PCNT: variants seen among roughly 807,000 people sequenced by gnomAD.
The protein encoded by PCNT is pericentrin.
A neutral mutation model predicts 380.4 loss-of-function variants in PCNT; 319 were observed. That is an observed-to-expected ratio of 0.84 (90% CI 0.77 to 0.92). The LOEUF is 0.92. Among genes scored for constraint, PCNT ranks in the 40% least tolerant of loss-of-function variants. The pLI is 0.00. For synonymous variants in PCNT, 1,845 were observed against 1,735.2 expected (o/e 1.06, Z -1.57); for missense variants, 4,400 against 4,255.3 (o/e 1.03, Z -0.95).
rs1434665917 is a variant in PCNT at position 46,403,414 on chromosome 21, T to C, written c.5115+931T>C. ...GTGTGGTGCCCACGCGGCGCGTGAT[T>C]GGTGAATGAACACAGCGTGGGAGAA... is the stretch of plus-strand genomic sequence containing the variant. On this transcript the variant is annotated intron_variant, in intron 27 of 46. Transcript: ENST00000359568. 3.4e-4 allele frequency among the ~76,000 whole-genome samples: 33 copies of C among 96,464 alleles called. 1 individual carries two copies. Among genetic ancestry groups the C allele is most frequent in the African/African-American group, 1.2e-3 (28 of 23,254 alleles). The allele number at this position is 96,464 out of a possible 152,430, so 63.3% of individuals were successfully genotyped here.
chr21:46,352,320 G>A (rs995412868), intron 9 of PCNT, among the ~76,000 whole-genome samples: 2 of 152,116 alleles, frequency 1.3e-5, no homozygotes, highest in Non-Finnish European at 2.9e-5. Context: ...GCGCCCTGCC[G>A]GGACCAGGTG....
At chr21:46,383,440 C>T (rs1404864352) in intron 16 of PCNT, among the ~76,000 whole-genome samples, 24 of 143,368 alleles carry the variant, frequency 1.7e-4, no homozygotes, top group African/African-American at 3.9e-4. Flanking sequence ...AGCGCATTCA[C>T]GGTGTTGTGC....
chr21:46,328,691 C>A (rs2083464808), intron 2 of PCNT, among the ~76,000 whole-genome samples: 1 of 151,978 alleles, frequency 6.6e-6, no homozygotes, highest in South Asian at 2.1e-4. Flanking sequence ...CAACTCCTGA[C>A]CTCAAGCAAT....
intron 3 of PCNT, among the ~76,000 whole-genome samples, chr21:46,341,320 C>T (rs1052046536): frequency 6.6e-6 from 1 of 151,796 alleles, no homozygotes. Flanking sequence ...TCCGTTATTC[C>T]GCTTGGAGTA....
chr21:46,366,022 C>T (rs2084917152), intron 14 of PCNT, among the ~76,000 whole-genome samples: 1 of 150,620 alleles, frequency 6.6e-6, no homozygotes, highest in East Asian at 2.0e-4. Flanking sequence ...CCGTGGGGTT[C>T]TATTCATTCA....
Position 46,388,756 on chromosome 21 carries a change from A to T in PCNT, c.3479A>T (p.Asp1160Val), listed in dbSNP as rs2085927410. 1.2e-6 allele frequency: 2 copies of T among 1,613,714 alleles called. No homozygotes were observed. The highest frequency in any genetic ancestry group is 1.7e-6 in the Non-Finnish European group (2 of 1,179,984). ...LSHSERGALQ[D>V]ALRRLLGLFG... is the part of the protein sequence containing the mutation. ...TCCTGTCTCAGAGGGGCCCTCCAGG[A>T]CGCCCTGCGCAGGCTGCTGGGTTTG... The change falls in exon 18 of 47, where the codon GAC (aspartate) becomes GTC (valine). Residue 1160 changes from aspartate to valine, a missense_variant. Asp to Val is a radical substitution (Grantham distance 152). Transcript: ENST00000359568. The surrounding 1 kb of genome is among the most constrained non-coding windows in gnomAD (Gnocchi z 4.2).
chr21:46,342,562 C>T (rs1164064242), intron 3 of PCNT, among the ~76,000 whole-genome samples: 8 of 143,014 alleles, frequency 5.6e-5, no homozygotes, highest in Admixed American at 3.5e-4. Context: ...TTTTTTGAGA[C>T]GGAGTTTTGC....
At chr21:46,389,134 G>C in intron 18 of PCNT, 65 bp from the exon 19 acceptor site, 1 of 1,505,124 alleles carries the variant, frequency 6.6e-7, no homozygotes, top group Admixed American at 1.8e-5. Flanking sequence ...TTGTCGTCTT[G>C]GCTGCCATGG....
chr21:46,442,418 G>A, intron 43 of PCNT, 79 bp from the exon 44 acceptor site: 1 of 880,054 alleles, frequency 1.1e-6, no homozygotes, highest in Non-Finnish European at 1.9e-6. Context: ...TGCTTGTTTG[G>A]TCACAGTGGG....
chr21:46,399,651 A>G lies in PCNT; in HGVS notation c.4646A>G (p.Gln1549Arg). 1 of 1,613,990 alleles carries G rather than the reference A, an allele frequency of 6.2e-7. No homozygotes were observed. The highest frequency in any genetic ancestry group is 1.7e-5 in the Admixed American group (1 of 60,022). Residue 1549 changes from glutamine (Q) to arginine (R), a missense_variant, in exon 25 of 47, where the codon CAG (glutamine) becomes CGG (arginine). By Grantham distance (43) the Gln-to-Arg change is conservative. Transcript: ENST00000359568. ...GATGAATTTAATGAATTGGCTATAC[A>G]GAAAGAGTCGGCAGATAGACAAGTG... ...KLDEFNELAIQKESADRQVLM... is the reference protein window; with the variant it reads ...KLDEFNELAIRKESADRQVLM...
chr21:46,402,267 ATTAT>A lies in PCNT; in HGVS notation c.4963-62_4963-59del. The stretch of plus-strand genomic sequence containing the variant: ...TCAAAGCTATTTTAATAATGTCTTA[ATTAT>A]TAATATTAATAGAATATTAGATGAC... On this transcript the variant is annotated intron_variant, in intron 26 of 46. Transcript: ENST00000359568. The A allele has an allele frequency of 3.7e-6, 4 of 1,092,414 alleles. No homozygotes were observed. In the Admixed American group the frequency reaches 9.9e-5, roughly 27 times the overall value. 67.7% of individuals were successfully genotyped at this position (1,092,414 alleles called of 1,614,324 possible). A position where few individuals can be genotyped will look rare whatever the true frequency, so the allele number is the denominator to read the frequency against.
intron 21 of PCNT, 85 bp downstream of exon 21, chr21:46,391,461 C>G: frequency 8.8e-7 from 1 of 1,138,268 alleles, no homozygotes; most frequent in Non-Finnish European, 1.3e-6. Flanking sequence ...CAAGGACACT[C>G]AGTGTCTCTA....
At position 46,411,540 on chromosome 21, in the gene PCNT, C is replaced by T. The variant is rs1363311120; in HGVS notation, c.5467C>T (p.Arg1823Cys). Residue 1823 changes from arginine (R) to cysteine (C), a missense_variant, in exon 28 of 47, where the codon CGC becomes TGC. By Grantham distance (180) the Arg-to-Cys change is radical (BLOSUM62 -3). Transcript: ENST00000359568. ...CCAGGCCCTGGAGGCCCTGCAGCAG[C>T]GCCTCCAGGGCGCAGAGGAGGCTGC... ...HSQALEALQQRLQGAEEAAEL... is the reference protein window; with the variant it reads ...HSQALEALQQCLQGAEEAAEL... 6 of 1,610,886 alleles carry T rather than the reference C, an allele frequency of 3.7e-6. No individual in the cohort carries two copies. The highest frequency in any genetic ancestry group is 1.7e-5 in the Admixed American group (1 of 59,668).
intron 6 of PCNT, among the ~76,000 whole-genome samples, chr21:46,347,798 T>G (rs2084122138): frequency 6.6e-6 from 1 of 152,212 alleles, no homozygotes; most frequent in Non-Finnish European, 1.5e-5. Context: ...TGAGCTGTGT[T>G]CTGGGACACA....
At chr21:46,340,916 C>T (rs2083894667) in intron 3 of PCNT, among the ~76,000 whole-genome samples, 1 of 152,066 alleles carries the variant, frequency 6.6e-6, no homozygotes. Context: ...CGAAGTCTCA[C>T]TCTGTAGCCC....
Position 46,401,252 on chromosome 21 carries a change from T to C in PCNT, c.4792-299T>C, listed in dbSNP as rs535955828. On this transcript the variant is annotated intron_variant, in intron 25 of 46. Transcript: ENST00000359568. ...TGCCCTATTTTTTTTGGCAAGTTCT[T>C]GTCAGTTTTGAAAATATTGGTAATA... Among the ~76,000 whole-genome samples the C allele has an allele frequency of 9.8e-5, 15 of 152,364 alleles. No individual in the cohort carries two copies. In the South Asian group the frequency reaches 3.1e-3, roughly 32 times the overall value.
intron 26 of PCNT, 124 bp downstream of exon 26, chr21:46,401,845 T>C: frequency 1.1e-6 from 1 of 921,884 alleles, no homozygotes; most frequent in Non-Finnish European, 1.7e-6. Flanking sequence ...TATTCTTTTC[T>C]TTTCTTTTTT....
chr21:46,436,947 A>G (rs1186786870), intron 39 of PCNT, 32 bp from the exon 40 acceptor site: 2 of 1,490,624 alleles, frequency 1.3e-6, no homozygotes, highest in Middle Eastern at 1.7e-4. Flanking sequence ...TGGGGCGCGT[A>G]TGCAACTTTG....
chr21:46,364,350 G>C (rs1046775410), intron 14 of PCNT, among the ~76,000 whole-genome samples: 2 of 151,190 alleles, frequency 1.3e-5, no homozygotes, highest in African/African-American at 4.9e-5. Flanking sequence ...AAGCCCCCCG[G>C]CCACAGTGGG....
Sources: allele counts gnomAD v4.1 joint callset (sites outside exome capture counted in the v4.1 genomes callset), GRCh38; gene constraint gnomAD v4.1.1; non-coding constraint Gnocchi (gnomAD v3.1); transcripts MANE v1.5; gene names NCBI Gene and HGNC (gene_info 2026-07-23, HGNC 2026-07-21).